ZBTB20: variants seen among roughly 807,000 people sequenced by gnomAD.
ZBTB20 encodes the protein zinc finger and BTB domain-containing protein 20.
ZBTB20 carries 9 observed loss-of-function variants against 56.9 expected under a neutral mutation model. The ratio of observed to expected loss-of-function variants is 0.16; its 90% confidence interval spans 0.10 to 0.28. The LOEUF is 0.28. Among genes scored for constraint, ZBTB20 ranks in the 10% least tolerant of loss-of-function variants. ZBTB20 has a pLI of 1.00. For synonymous variants in ZBTB20, 417 were observed against 420.7 expected, an observed-to-expected ratio of 0.99 and a Z score of 0.11; for missense variants, 655 against 1,003.0, an observed-to-expected ratio of 0.65 and a Z score of 4.69.
chr3:114,791,415 G>C (rs1029961700), intron 5 of ZBTB20, among the ~76,000 whole-genome samples: 3 of 152,116 alleles, frequency 2.0e-5, no homozygotes, highest in African/African-American at 7.2e-5. Flanking sequence ...AGTTTTTCAG[G>C]TGAGATGAGT....
At chr3:114,831,108 T>A (rs1202491347) in intron 4 of ZBTB20, among the ~76,000 whole-genome samples, 2 of 146,848 alleles carry the variant, frequency 1.4e-5, no homozygotes, top group African/African-American at 5.1e-5. Context: ...TTTTTTTTTT[T>A]TTTTTTAGTA....
At chr3:114,561,385 T>C (rs1013651822) in intron 6 of ZBTB20, among the ~76,000 whole-genome samples, 1 of 152,210 alleles carries the variant, frequency 6.6e-6, no homozygotes, top group Non-Finnish European at 1.5e-5. Context: ...TAGAAATCAC[T>C]ATCTACGGTA....
In ZBTB20 at chr3:115,030,688, G is replaced by A. The variant is rs78760257; in HGVS notation, c.-507+40531C>T. Among the ~76,000 whole-genome samples, 654 of 151,240 alleles carry A rather than the reference G, an allele frequency of 4.3e-3. 6 individuals carry two copies. The highest frequency in any genetic ancestry group is 0.015 in the African/African-American group (608 of 41,426). ...GAGATGATTCTGTCCTCATTTTCAC[G>A]TTAAACCAGAAGCTTCCTTCAGGGT... On this transcript the variant is annotated intron_variant, in intron 2 of 11. Transcript: ENST00000675478.
chr3:114,337,721 T>C lies in ZBTB20; in HGVS notation c.*1284A>G, dbSNP rs1242220818. ...TAAAAAAAATATGAAGAAAATATCC[T>C]TCCTCTCTTTCAAATATAACTTTAG... On this transcript the variant is annotated 3_prime_UTR_variant, in exon 12 of 12. Transcript: ENST00000675478. 1 of 152,106 alleles carries C rather than the reference T, an allele frequency of 6.6e-6. No homozygotes were observed. 9.4% of individuals were successfully genotyped at this position (152,106 alleles called of 1,614,324 possible). A position where few individuals can be genotyped will look rare whatever the true frequency, so the allele number is the denominator to read the frequency against.
intron 1 of ZBTB20, among the ~76,000 whole-genome samples, chr3:115,108,151 A>T (rs985067622): frequency 2.0e-5 from 3 of 152,208 alleles, no homozygotes; most frequent in African/African-American, 7.2e-5. Context: ...CTTAAAAAAA[A>T]AAAAAGATAT....
At chr3:114,551,605 T>C (rs1007472262) in intron 6 of ZBTB20, among the ~76,000 whole-genome samples, 1 of 152,146 alleles carries the variant, frequency 6.6e-6, no homozygotes, top group Admixed American at 6.6e-5. Flanking sequence ...AGCAACAAAG[T>C]GAAGAATGAT....
At chr3:114,553,820 A>C (rs1454701561) in intron 6 of ZBTB20, among the ~76,000 whole-genome samples, 1 of 152,012 alleles carries the variant, frequency 6.6e-6, no homozygotes, top group Non-Finnish European at 1.5e-5. Flanking sequence ...AAACTCATTC[A>C]CTCCCATGCT....
chr3:114,969,695 C>T (rs1033710919), intron 3 of ZBTB20, among the ~76,000 whole-genome samples: 1 of 152,110 alleles, frequency 6.6e-6, no homozygotes, highest in Non-Finnish European at 1.5e-5. Context: ...GCCAGGCAAT[C>T]TATTGGATGA....
At chr3:114,916,779 T>C (rs566258571) in intron 3 of ZBTB20, among the ~76,000 whole-genome samples, 49 of 152,312 alleles carry the variant, frequency 3.2e-4, no homozygotes, top group African/African-American at 1.2e-3. Context: ...TGTTGTATGT[T>C]ATTTGTTTCT....
At chr3:114,976,113 A>T (rs1490852827) in intron 2 of ZBTB20, among the ~76,000 whole-genome samples, 1 of 152,344 alleles carries the variant, frequency 6.6e-6, no homozygotes, top group East Asian at 1.9e-4. Flanking sequence ...CTTCCATTCA[A>T]TATTCATTCT....
chr3:114,618,238 C>CTTTTTTTTTTTT (rs111549198), intron 6 of ZBTB20, among the ~76,000 whole-genome samples: 1 of 119,292 alleles, frequency 8.4e-6, no homozygotes, highest in Non-Finnish European at 1.7e-5. Flanking sequence ...TGTTTCTTTC[C>CTTTTTTTTTTTT]TTTTTTTTTT....
chr3:114,485,598 C>CA (rs988667771), intron 7 of ZBTB20, among the ~76,000 whole-genome samples: 1 of 152,064 alleles, frequency 6.6e-6, no homozygotes, highest in Non-Finnish European at 1.5e-5. Context: ...GAATGTTCAC[C>CA]ACCCCCCAAT....
intron 6 of ZBTB20, among the ~76,000 whole-genome samples, chr3:114,671,587 T>C (rs974955906): frequency 6.6e-6 from 1 of 151,454 alleles, no homozygotes; most frequent in Non-Finnish European, 1.5e-5. Flanking sequence ...TGCCAATAAA[T>C]AAATGCCATT....
intron 2 of ZBTB20, among the ~76,000 whole-genome samples, chr3:114,974,929 G>T (rs1037899374): frequency 2.0e-5 from 3 of 152,066 alleles, no homozygotes; most frequent in African/African-American, 7.2e-5. Flanking sequence ...AAAATAAAAA[G>T]AAAATGGGTG....
chr3:114,594,012 T>G (rs116793735), intron 6 of ZBTB20, among the ~76,000 whole-genome samples: 35 of 152,296 alleles, frequency 2.3e-4, no homozygotes, highest in Admixed American at 1.6e-3. Flanking sequence ...ATCAGGCATA[T>G]TCCATCAACA....
chr3:115,056,254 C>A (rs888659493), intron 2 of ZBTB20, among the ~76,000 whole-genome samples: 2 of 151,948 alleles, frequency 1.3e-5, no homozygotes, highest in African/African-American at 2.4e-5. Flanking sequence ...AAAGGAAATA[C>A]AAAATGAAAA....
intron 7 of ZBTB20, among the ~76,000 whole-genome samples, chr3:114,473,652 G>A (rs2040405268): frequency 6.6e-6 from 1 of 151,966 alleles, no homozygotes; most frequent in Admixed American, 6.6e-5. Flanking sequence ...GCAACATGGT[G>A]AGACCCCTGT....
rs1284277287 is a variant in ZBTB20 at position 114,609,571 on chromosome 3, T to C, written c.-295+83957A>G. Among the ~76,000 whole-genome samples the C allele has an allele frequency of 2.0e-5, 3 of 152,196 alleles. No homozygotes were observed. In the East Asian group the frequency reaches 5.8e-4, roughly 29 times the overall value. On this transcript the variant is annotated intron_variant, in intron 6 of 11. Transcript: ENST00000675478. ...TTTCCTCATAAGGCATATTGCATATTGAGATGATGAAGACCAAAGTCAATG... is the reference window on the plus strand; with the variant it reads ...TTTCCTCATAAGGCATATTGCATATCGAGATGATGAAGACCAAAGTCAATG...
intron 7 of ZBTB20, among the ~76,000 whole-genome samples, chr3:114,434,396 C>T (rs1413971938): frequency 2.0e-5 from 3 of 151,968 alleles, no homozygotes; most frequent in Admixed American, 6.6e-5. Context: ...CATATAAGAT[C>T]GTATTTCCCA....
Sources: gnomAD v4.1 joint callset for allele counts (sites outside exome capture counted in the v4.1 genomes callset) on GRCh38, gnomAD v4.1.1 for gene constraint, MANE v1.5 for transcripts, NCBI Gene and HGNC (gene_info 2026-07-23, HGNC 2026-07-21) for gene names.